The following ZIM2 variants were observed in gnomAD, a reference collection of about 807,000 sequenced individuals.
ZIM2 encodes zinc finger imprinted 2, also known as zinc finger protein 656.
ZIM2 carries 14 observed loss-of-function variants against 38.6 expected under a neutral mutation model. That is an observed-to-expected ratio of 0.36 (90% confidence interval 0.24 to 0.57). The LOEUF is 0.57. Among genes scored for constraint, ZIM2 ranks in the 20% least tolerant of loss-of-function variants. The probability of loss-of-function intolerance (pLI) is 0.81; values close to 1 mark genes in which losing one functional copy is unlikely to be tolerated. For missense variants in ZIM2, 680 were observed against 695.1 expected, an observed-to-expected ratio of 0.98 and a Z score of 0.24; for synonymous variants, 247 against 245.8, an observed-to-expected ratio of 1.00 and a Z score of -0.04.
At chr19:56,780,536 G>A (rs770530326) in intron 11 of ZIM2, among the ~76,000 whole-genome samples, 2 of 152,046 alleles carry the variant, frequency 1.3e-5, no homozygotes, top group African/African-American at 2.4e-5. Context: ...GAGCCACTGC[G>A]CCTGGCCAAT....
chr19:56,839,568 T>TA (rs1320334374), intron 1 of ZIM2, among the ~76,000 whole-genome samples: 11 of 149,980 alleles, frequency 7.3e-5, no homozygotes, highest in African/African-American at 2.7e-4. Flanking sequence ...GGGCGGGGCC[T>TA]GAGTGGATAG....
chr19:56,838,724 G>A (rs1422177876), intron 1 of ZIM2, among the ~76,000 whole-genome samples: 2 of 152,214 alleles, frequency 1.3e-5, no homozygotes, highest in Non-Finnish European at 2.9e-5. Context: ...GGCTCCCCCA[G>A]ATGCGGGGAC....
chr19:56,781,411 T>C (rs1375579799), intron 11 of ZIM2, among the ~76,000 whole-genome samples: 1 of 152,228 alleles, frequency 6.6e-6, no homozygotes, highest in Non-Finnish European at 1.5e-5. Flanking sequence ...TGGCAATCTC[T>C]GTTTCTTCAA....
At chr19:56,833,254 G>A (rs552312361) in intron 2 of ZIM2, 22 of 477,226 alleles carry the variant, frequency 4.6e-5, no homozygotes, top group South Asian at 3.2e-4. Flanking sequence ...TCACCATGGT[G>A]CACCTAGATT....
chr19:56,810,116 T>G (rs942329674), intron 9 of ZIM2: 60 of 952,518 alleles, frequency 6.3e-5, no homozygotes, highest in Non-Finnish European at 7.4e-5. Flanking sequence ...GTTGACACTA[T>G]TACAGATAGA....
chr19:56,806,571 A>G (rs1431467448), intron 9 of ZIM2, among the ~76,000 whole-genome samples: 1 of 152,176 alleles, frequency 6.6e-6, no homozygotes, highest in African/African-American at 2.4e-5. Context: ...TAGCCACATA[A>G]CCAGTCAACA....
Position 56,811,364 on chromosome 19 carries a change from A to C in ZIM2, c.490+6382T>G, listed in dbSNP as rs906491635. 9 of 886,798 alleles carry C rather than the reference A, an allele frequency of 1.0e-5. No individual in the cohort carries two copies. The Admixed American group carries it at 2.5e-4, about 24-fold the overall frequency. The allele number at this position is 886,798 out of a possible 1,614,324, so 54.9% of individuals were successfully genotyped here. A position where few individuals can be genotyped will look rare whatever the true frequency, so the allele number is the denominator to read the frequency against. On this transcript the variant is annotated intron_variant, in intron 9 of 12. Coordinates refer to ENST00000629319, the MANE Select transcript of ZIM2 (RefSeq NM_001387356.1). ...CAGCATATAAATGAACTGTTGAGTT[A>C]TAACTGTAGTATAAATATACTTTCG...
rs766477069 is a variant in ZIM2, at chr19:56,824,342, C to T, written c.-65G>A. On this transcript the variant is annotated 5_prime_UTR_variant, in exon 4 of 13. Coordinates refer to ENST00000629319, the MANE Select transcript of ZIM2 (RefSeq NM_001387356.1). ...GTTCTCCGGCTTTTTTGCTCGCACCCAAGGCTTGAGCTTTTCAGGGATGAT... is the reference window on the plus strand; with the variant it reads ...GTTCTCCGGCTTTTTTGCTCGCACCTAAGGCTTGAGCTTTTCAGGGATGAT... 8.7e-6 allele frequency: 14 copies of T among 1,613,962 alleles called. No individual in the cohort carries two copies. In the East Asian group the frequency reaches 2.7e-4, roughly 31 times the overall value.
At chr19:56,789,702 AAG>A (rs2046822880) in intron 10 of ZIM2, among the ~76,000 whole-genome samples, 168 bp downstream of exon 10, 1 of 152,200 alleles carries the variant, frequency 6.6e-6, no homozygotes, top group Admixed American at 6.5e-5. Flanking sequence ...TAAGAAAAAA[AAG>A]AATCATAAGC....
intron 12 of ZIM2, 107 bp downstream of exon 12, chr19:56,779,270 G>A: frequency 9.4e-7 from 1 of 1,060,298 alleles, no homozygotes; most frequent in Non-Finnish European, 1.4e-6. Flanking sequence ...TGAGGAGAAA[G>A]GGCACCTACC....
intron 9 of ZIM2, chr19:56,815,998 T>A (rs2146186345): frequency 6.3e-7 from 1 of 1,587,938 alleles, no homozygotes; most frequent in South Asian, 1.2e-5. Context: ...AACTCTCTGA[T>A]GGTTGATAGC....
In ZIM2 at chr19:56,822,609, G is replaced by A. The variant is rs1461983449; in HGVS notation, c.190+144C>T. On this transcript the variant is annotated intron_variant, in intron 6 of 12. Coordinates refer to ENST00000629319, the MANE Select transcript of ZIM2 (RefSeq NM_001387356.1). ...GTACCGAGTGGAACTTCAAAAATAC[G>A]AGCCTTGGACTAAACTTTTGGGGAA... 9 of 1,113,006 alleles carry A rather than the reference G, an allele frequency of 8.1e-6. No individual in the cohort carries two copies. In the South Asian group the frequency reaches 9.5e-5, roughly 12 times the overall value. 68.9% of individuals were successfully genotyped at this position (1,113,006 alleles called of 1,614,324 possible). A position where few individuals can be genotyped will look rare whatever the true frequency, so the allele number is the denominator to read the frequency against.
rs766851387 is a variant in ZIM2 at position 56,782,092 on chromosome 19, A to G, written c.600T>C (p.Phe200=). The change falls in exon 11 of 13, where the codon TTT becomes TTC. Residue 200 remains phenylalanine, a synonymous_variant. Transcript: ENST00000629319. ...AGGTCACCAACTCCTCAAACACCAG[A>G]AATGTTCCTAAGTGTTTGAAGTCCG... is the stretch of plus-strand genomic sequence containing the variant. ...QFPDFKHLGT[F]LVFEELVTFE... 3 of 1,613,950 alleles carry G rather than the reference A, an allele frequency of 1.9e-6. No individual in the cohort carries two copies. The South Asian group carries it at 3.3e-5, about 18-fold the overall frequency.
At chr19:56,775,608 G>A in intron 12 of ZIM2, 79 bp from the exon 13 acceptor site, 1 of 1,509,064 alleles carries the variant, frequency 6.6e-7, no homozygotes, top group Non-Finnish European at 8.8e-7. Context: ...CTATAGGCAG[G>A]CTTTGCCCTG....
Position 56,816,650 on chromosome 19 carries a change from G to A in ZIM2, c.490+1096C>T, listed in dbSNP as rs138383423. The A allele has an allele frequency of 7.4e-6, 12 of 1,613,170 alleles. No individual in the cohort carries two copies. The highest frequency in any genetic ancestry group is 3.3e-4 in the Middle Eastern group (2 of 6,080). The stretch of plus-strand genomic sequence containing the variant: ...TCCCCGCGCTCACGTTCACGTTCAC[G>A]TTCATGTTCACGCTCATTATCTTTG... On this transcript the variant is annotated intron_variant, in intron 9 of 12. Transcript: ENST00000629319.
chr19:56,839,165 C>G (rs557626495), intron 1 of ZIM2, among the ~76,000 whole-genome samples: 1 of 152,204 alleles, frequency 6.6e-6, no homozygotes, highest in Non-Finnish European at 1.5e-5. Flanking sequence ...GAACAAACCA[C>G]TAGGTCCAAT....
At chr19:56,812,143 T>A (rs965527397) in intron 9 of ZIM2, 134 of 968,668 alleles carry the variant, frequency 1.4e-4, no homozygotes, top group Admixed American at 9.2e-4. Context: ...AATTTTATAT[T>A]TTTTTTCCAG....
intron 2 of ZIM2, among the ~76,000 whole-genome samples, chr19:56,830,235 T>C (rs1470443241): frequency 2.0e-5 from 3 of 152,190 alleles, no homozygotes; most frequent in Non-Finnish European, 4.4e-5. Context: ...GCAAAAACAT[T>C]TAATAAACCC....
intron 10 of ZIM2, among the ~76,000 whole-genome samples, chr19:56,784,746 TTAAAA>T (rs2046507807): frequency 1.3e-5 from 2 of 152,158 alleles, no homozygotes; most frequent in Admixed American, 6.5e-5. Flanking sequence ...TGTCTCATCT[TTAAAA>T]TAAAGAGATC....
Sources: allele counts gnomAD v4.1 joint callset (sites outside exome capture counted in the v4.1 genomes callset), GRCh38; gene constraint gnomAD v4.1.1; transcripts MANE v1.5; gene names NCBI Gene and HGNC (gene_info 2026-07-23, HGNC 2026-07-21).